Variants in WBP1L observed in about 807,000 individuals in gnomAD.
WBP1L encodes the protein WW domain binding protein 1-like.
In WBP1L, 17 loss-of-function variants were observed where a neutral mutation model predicts 33.7. The observed-to-expected ratio is 0.50, with a 90% CI of 0.34 to 0.76. The LOEUF is 0.76. Ranked by LOEUF, WBP1L falls within the 30% of genes least tolerant of loss-of-function variation. The pLI is 0.01. For synonymous variants in WBP1L, 173 were observed against 190.8 expected (o/e 0.91, Z 0.77); for missense variants, 389 against 469.4 (o/e 0.83, Z 1.58).
chr10:102,769,348 T>C (rs548652927), intron 1 of WBP1L, among the ~76,000 whole-genome samples: 11 of 147,394 alleles, frequency 7.5e-5, no homozygotes, highest in African/African-American at 2.7e-4. Context: ...TTCTTTGTTT[T>C]CTTTTTTCTT....
In WBP1L at chr10:102,757,885, C is replaced by A. The variant is rs1317564442; in HGVS notation, c.90+13742C>A. 4.7e-4 allele frequency among the ~76,000 whole-genome samples: 27 copies of A among 57,068 alleles called. 2 individuals are homozygous for A. Among genetic ancestry groups the A allele is most frequent in the Admixed American group, 2.6e-3 (14 of 5,466 alleles). 37.4% of individuals were successfully genotyped at this position (57,068 alleles called of 152,430 possible). A position where few individuals can be genotyped will look rare whatever the true frequency, so the allele number is the denominator to read the frequency against. ...GCCACTGTACCTGCCCTCCCCCCCC[C>A]CCTTTTTTTTTTTTTTTTGAGACAG... is the stretch of plus-strand genomic sequence containing the variant. On this transcript the variant is annotated intron_variant, in intron 1 of 3. Coordinates refer to ENST00000448841, the MANE Select transcript of WBP1L (RefSeq NM_001083913.2).
At chr10:102,810,704 T>G (rs942600210) in intron 3 of WBP1L, among the ~76,000 whole-genome samples, 1 of 150,774 alleles carries the variant, frequency 6.6e-6, no homozygotes, top group African/African-American at 2.4e-5. Flanking sequence ...GTAGCTGGGA[T>G]TACAGGCATG....
chr10:102,761,656 C>T lies in WBP1L; in HGVS notation c.90+17513C>T, dbSNP rs960467192. ...TATTTTTAGTGGAGACAGGGTTTAA[C>T]TGTGTTAGCCAGGATGGTCTCAATT... On this transcript the variant is annotated intron_variant, in intron 1 of 3. Transcript: ENST00000448841. Among the ~76,000 whole-genome samples, 72 of 152,068 alleles carry T rather than the reference C, an allele frequency of 4.7e-4. 2 individuals carry two copies. Among genetic ancestry groups the T allele is most frequent in the Non-Finnish European group, 4.4e-5 (3 of 68,020 alleles).
intron 1 of WBP1L, among the ~76,000 whole-genome samples, chr10:102,764,576 A>G (rs1843085716): frequency 6.6e-6 from 1 of 152,110 alleles, no homozygotes. Flanking sequence ...TGCATCTGGT[A>G]TGATGCCCTC....
intron 2 of WBP1L, among the ~76,000 whole-genome samples, chr10:102,801,173 G>A (rs1354058963): frequency 2.0e-5 from 3 of 152,172 alleles, no homozygotes; most frequent in Non-Finnish European, 4.4e-5. Flanking sequence ...TATTGGGCCT[G>A]CATGTGTTGA....
chr10:102,746,056 G>T (rs1812746007), intron 1 of WBP1L: 1 of 790,332 alleles, frequency 1.3e-6, no homozygotes, highest in Admixed American at 6.2e-5. Context: ...TAGAGGTTTG[G>T]TTTAGGAATG....
intron 3 of WBP1L, among the ~76,000 whole-genome samples, chr10:102,810,564 CTTTTTTTTTT>C (rs779749788): frequency 1.7e-5 from 1 of 59,800 alleles, no homozygotes; most frequent in African/African-American, 7.0e-5. Flanking sequence ...CTCTCTATTT[CTTTTTTTTTT>C]TTTTTTTTTG....
intron 1 of WBP1L, among the ~76,000 whole-genome samples, chr10:102,789,730 A>T (rs1843468908): frequency 6.7e-6 from 1 of 149,608 alleles, no homozygotes. Flanking sequence ...GCTTCTTATT[A>T]TCTGGAAATT....
chr10:102,815,361 C>T lies in WBP1L; in HGVS notation c.*2030C>T, dbSNP rs1843921400. 4 of 152,688 alleles carry T rather than the reference C, an allele frequency of 2.6e-5. No individual in the cohort carries two copies. In the South Asian group the frequency reaches 8.3e-4, roughly 32 times the overall value. 9.5% of individuals were successfully genotyped at this position (152,688 alleles called of 1,614,324 possible). A position where few individuals can be genotyped will look rare whatever the true frequency, so the allele number is the denominator to read the frequency against. On this transcript the variant is annotated 3_prime_UTR_variant, in exon 4 of 4. Coordinates refer to ENST00000448841, the MANE Select transcript of WBP1L (RefSeq NM_001083913.2). ...GGAAGCGTGCTCTGAGCCTGTCTGC[C>T]TCCCTCGGCTGCTGCTGGTCCTCAG...
At chr10:102,757,884 C>A (rs1441620760) in intron 1 of WBP1L, among the ~76,000 whole-genome samples, 14 of 63,734 alleles carry the variant, frequency 2.2e-4, no homozygotes, top group Admixed American at 1.5e-3. Flanking sequence ...CCTCCCCCCC[C>A]CCCTTTTTTT....
intron 1 of WBP1L, among the ~76,000 whole-genome samples, chr10:102,769,349 C>A (rs1423936320): frequency 7.0e-6 from 1 of 142,948 alleles, no homozygotes; most frequent in Admixed American, 7.0e-5. Flanking sequence ...TCTTTGTTTT[C>A]TTTTTTCTTT....
At chr10:102,810,170 T>C in intron 3 of WBP1L, 116 bp downstream of exon 3, 1 of 1,341,788 alleles carries the variant, frequency 7.5e-7, no homozygotes, top group Non-Finnish European at 1.0e-6. Context: ...GTCCTCTCCC[T>C]GCCCCTCCGT....
At chr10:102,768,206 C>T (rs1287870197) in intron 1 of WBP1L, among the ~76,000 whole-genome samples, 1 of 151,950 alleles carries the variant, frequency 6.6e-6, no homozygotes, top group Non-Finnish European at 1.5e-5. Context: ...TCCCAAGTAG[C>T]TGAGTTTACA....
At chr10:102,811,153 C>T (rs112150086) in intron 3 of WBP1L, among the ~76,000 whole-genome samples, 208 of 152,080 alleles carry the variant, frequency 1.4e-3, no homozygotes, top group African/African-American at 4.6e-3. Context: ...ACACCGGGCT[C>T]GGTGGCTCAG....
intron 2 of WBP1L, among the ~76,000 whole-genome samples, chr10:102,804,641 C>T (rs1046351218): frequency 2.6e-5 from 4 of 152,124 alleles, no homozygotes; most frequent in East Asian, 3.8e-4. Context: ...GTGTGTCCAT[C>T]GAAGGTTGGA....
chr10:102,760,596 G>A (rs886775417), intron 1 of WBP1L, among the ~76,000 whole-genome samples: 1 of 151,828 alleles, frequency 6.6e-6, no homozygotes, highest in Admixed American at 6.6e-5. Flanking sequence ...GGCTAGTCTC[G>A]AACTCCTGAG....
intron 3 of WBP1L, among the ~76,000 whole-genome samples, chr10:102,811,460 G>A (rs997128314): frequency 6.6e-6 from 1 of 152,176 alleles, no homozygotes; most frequent in African/African-American, 2.4e-5. Flanking sequence ...TCCAAAGCCA[G>A]TCTACAGTGT....
chr10:102,782,478 T>A (rs567634438), intron 1 of WBP1L, among the ~76,000 whole-genome samples: 6 of 150,344 alleles, frequency 4.0e-5, no homozygotes, highest in Non-Finnish European at 7.4e-5. Flanking sequence ...TTTGGGGCTA[T>A]TTAAAAAAAT....
chr10:102,794,119 G>C (rs1404464817), intron 1 of WBP1L, among the ~76,000 whole-genome samples: 1 of 126,498 alleles, frequency 7.9e-6, no homozygotes, highest in Non-Finnish European at 1.8e-5. Context: ...TAAGCCACCG[G>C]GAGGTGTTTG....
Sources: gnomAD v4.1 joint callset for allele counts (sites outside exome capture counted in the v4.1 genomes callset) on GRCh38, gnomAD v4.1.1 for gene constraint, MANE v1.5 for transcripts, NCBI Gene and HGNC (gene_info 2026-07-23, HGNC 2026-07-21) for gene names.